The following SUSD6 variants were observed in gnomAD, a reference collection of about 807,000 sequenced individuals.
The protein encoded by SUSD6 is sushi domain containing 6.
Under a neutral mutation model 28.4 loss-of-function variants are expected in SUSD6, and 16 were observed. The ratio of observed to expected loss-of-function variants is 0.56; its 90% CI spans 0.38 to 0.86. The LOEUF (loss-of-function observed/expected upper bound fraction) is 0.86. Among genes scored for constraint, SUSD6 ranks in the 40% least tolerant of loss-of-function variants. The probability of loss-of-function intolerance (pLI) is 0.00; values close to 1 mark genes in which losing one functional copy is unlikely to be tolerated. For missense variants in SUSD6, 341 were observed against 384.2 expected (o/e 0.89, Z 0.94); for synonymous variants, 147 against 159.6 (o/e 0.92, Z 0.59).
chr14:69,655,184 A>T (rs1256338215), intron 1 of SUSD6, among the ~76,000 whole-genome samples: 12 of 152,024 alleles, frequency 7.9e-5, no homozygotes, highest in Non-Finnish European at 4.4e-5. Flanking sequence ...ACATGCATAT[A>T]CCCAGGTTAT....
intron 2 of SUSD6, among the ~76,000 whole-genome samples, chr14:69,659,393 A>G (rs1255968789): frequency 6.6e-6 from 1 of 152,240 alleles, no homozygotes; most frequent in East Asian, 1.9e-4. Context: ...AATAACATTT[A>G]AAGTCACTTC....
intron 2 of SUSD6, among the ~76,000 whole-genome samples, chr14:69,683,822 G>A (rs1014312838): frequency 2.6e-5 from 4 of 152,238 alleles, no homozygotes; most frequent in African/African-American, 9.6e-5. Context: ...TATGCCTCCA[G>A]GTGGGCTGCA....
At position 69,693,720 on chromosome 14, in the gene SUSD6, A is replaced by G. The variant is rs367612106; in HGVS notation, c.122-9675A>G. ...CTTCTAAAAAAACCTGTGGAGCTGG[A>G]TATTGGCTGCTAAGGACTAAGGCTC... On this transcript the variant is annotated intron_variant, in intron 2 of 5. Coordinates refer to ENST00000342745, the MANE Select transcript of SUSD6 (RefSeq NM_014734.4). Among the ~76,000 whole-genome samples the G allele has an allele frequency of 1.2e-4, 18 of 152,322 alleles. No homozygotes were observed. In the East Asian group the frequency reaches 3.5e-3, roughly 29 times the overall value.
intron 5 of SUSD6, among the ~76,000 whole-genome samples, chr14:69,709,378 C>T (rs1886431757): frequency 6.6e-6 from 1 of 152,084 alleles, no homozygotes; most frequent in Non-Finnish European, 1.5e-5. Flanking sequence ...AATCAAAAGA[C>T]AGCTTGCTGG....
chr14:69,687,617 C>G (rs1886092265), intron 2 of SUSD6, among the ~76,000 whole-genome samples: 1 of 152,192 alleles, frequency 6.6e-6, no homozygotes, highest in Non-Finnish European at 1.5e-5. Flanking sequence ...TATGTATGTG[C>G]TTTAAACGAC....
chr14:69,622,970 T>A (rs1885063393), intron 1 of SUSD6, among the ~76,000 whole-genome samples: 2 of 152,200 alleles, frequency 1.3e-5, no homozygotes, highest in Admixed American at 1.3e-4. Context: ...AGATAAGACC[T>A]TTGGCAACCA....
chr14:69,679,113 A>G (rs1262481803), intron 2 of SUSD6, among the ~76,000 whole-genome samples: 2 of 152,086 alleles, frequency 1.3e-5, no homozygotes, highest in Admixed American at 1.3e-4. Context: ...TTAAGGCTTT[A>G]ATTTTGTATT....
At chr14:69,667,370 CTTTTTTTTT>C (rs10611584) in intron 2 of SUSD6, among the ~76,000 whole-genome samples, 1 of 73,312 alleles carries the variant, frequency 1.4e-5, no homozygotes, top group East Asian at 4.0e-4. Flanking sequence ...CTCACAGTTT[CTTTTTTTTT>C]TTTTTTTTTT....
chr14:69,631,029 A>T (rs1885185622), intron 1 of SUSD6, among the ~76,000 whole-genome samples: 1 of 152,256 alleles, frequency 6.6e-6, no homozygotes, highest in South Asian at 2.1e-4. Context: ...TTAGCAATTC[A>T]GGGGACTTAA....
intron 1 of SUSD6, among the ~76,000 whole-genome samples, chr14:69,621,379 A>G (rs564637260): frequency 3.3e-4 from 50 of 152,322 alleles, no homozygotes; most frequent in Middle Eastern, 3.4e-3. Flanking sequence ...AAAGCTGTTA[A>G]CATTCACCAA....
chr14:69,630,353 C>T (rs1885175735), intron 1 of SUSD6, among the ~76,000 whole-genome samples: 1 of 152,212 alleles, frequency 6.6e-6, no homozygotes, highest in South Asian at 2.1e-4. Context: ...CCAGGACCTA[C>T]CGTCAGAGAC....
intron 2 of SUSD6, among the ~76,000 whole-genome samples, chr14:69,664,155 A>G (rs1885704306): frequency 6.6e-6 from 1 of 151,562 alleles, no homozygotes; most frequent in African/African-American, 2.4e-5. Flanking sequence ...ATGTTTTTGT[A>G]TTTTTTGGTG....
chr14:69,620,723 A>G (rs1191278944), intron 1 of SUSD6, among the ~76,000 whole-genome samples: 1 of 152,240 alleles, frequency 6.6e-6, no homozygotes, highest in African/African-American at 2.4e-5. Flanking sequence ...GCAGTGAGCT[A>G]GGTCTAACAG....
chr14:69,711,487 C>T lies in SUSD6; in HGVS notation c.*508C>T, dbSNP rs74060294. ...GTCCTGTTTCCTTTGAGGGTTGCCCCTACTGCCCTTTGCAGGAACAGATCC... is the reference window on the plus strand; with the variant it reads ...GTCCTGTTTCCTTTGAGGGTTGCCCTTACTGCCCTTTGCAGGAACAGATCC... On this transcript the variant is annotated 3_prime_UTR_variant, in exon 6 of 6. Coordinates refer to ENST00000342745, the MANE Select transcript of SUSD6 (RefSeq NM_014734.4). 2,329 of 156,370 alleles carry T rather than the reference C, an allele frequency of 0.015. 66 individuals are homozygous for T. Among genetic ancestry groups the T allele is most frequent in the African/African-American group, 0.053 (2,209 of 41,624 alleles). 9.7% of individuals were successfully genotyped at this position (156,370 alleles called of 1,614,324 possible). A position where few individuals can be genotyped will look rare whatever the true frequency, so the allele number is the denominator to read the frequency against.
At chr14:69,651,385 A>G (rs1180593359) in intron 1 of SUSD6, among the ~76,000 whole-genome samples, 2 of 152,198 alleles carry the variant, frequency 1.3e-5, no homozygotes, top group Non-Finnish European at 2.9e-5. Context: ...AAGCAATTCA[A>G]AAAAACCTCT....
intron 2 of SUSD6, among the ~76,000 whole-genome samples, chr14:69,690,767 A>G (rs1886141271): frequency 6.6e-6 from 1 of 152,218 alleles, no homozygotes; most frequent in Admixed American, 6.5e-5. Context: ...CACAAGATGA[A>G]GGAGGAAGAA....
At chr14:69,685,380 A>G (rs893181930) in intron 2 of SUSD6, among the ~76,000 whole-genome samples, 1 of 152,204 alleles carries the variant, frequency 6.6e-6, no homozygotes, top group Non-Finnish European at 1.5e-5. Flanking sequence ...GGCATCTGCA[A>G]AGACTCTTCA....
intron 2 of SUSD6, among the ~76,000 whole-genome samples, chr14:69,682,467 C>A (rs1474671260): frequency 6.6e-6 from 1 of 151,946 alleles, no homozygotes; most frequent in African/African-American, 2.4e-5. Flanking sequence ...GAACCCAGGC[C>A]CTCTGGCACA....
At chr14:69,705,962 T>C (rs779795948) in intron 4 of SUSD6, among the ~76,000 whole-genome samples, 1 of 152,220 alleles carries the variant, frequency 6.6e-6, no homozygotes, top group Non-Finnish European at 1.5e-5. Context: ...ATTTTTTATA[T>C]ATCTTCACAG....
Sources: allele counts gnomAD v4.1 joint callset (sites outside exome capture counted in the v4.1 genomes callset), GRCh38; gene constraint gnomAD v4.1.1; transcripts MANE v1.5; gene names NCBI Gene and HGNC (gene_info 2026-07-23, HGNC 2026-07-21).